Variants in BLVRB observed in about 807,000 individuals in gnomAD.
BLVRB encodes the protein flavin reductase (NADPH).
A neutral mutation model predicts 21.1 loss-of-function variants in BLVRB; 25 were observed. The observed-to-expected ratio is 1.19, with a 90% CI of 0.86 to 1.66. The LOEUF (loss-of-function observed/expected upper bound fraction) is 1.66. Ranked by LOEUF, BLVRB falls within the 40% of genes most tolerant of loss-of-function variation. BLVRB has a pLI of 0.00. For synonymous variants in BLVRB, 128 were observed against 122.2 expected (o/e 1.05, Z -0.31); for missense variants, 274 against 282.7 (o/e 0.97, Z 0.22).
At chr19:40,459,002 A>G (rs975550747) in intron 1 of BLVRB, among the ~76,000 whole-genome samples, 4 of 151,844 alleles carry the variant, frequency 2.6e-5, no homozygotes, top group South Asian at 2.1e-4. Context: ...GCATACCTAC[A>G]GTTGATGCTT....
At chr19:40,462,857 A>C (rs374996743) in intron 1 of BLVRB, among the ~76,000 whole-genome samples, 2 of 131,482 alleles carry the variant, frequency 1.5e-5, no homozygotes, top group Non-Finnish European at 3.1e-5. Flanking sequence ...GTGCCACTGC[A>C]CTCCAGCCTG....
intron 4 of BLVRB, among the ~76,000 whole-genome samples, chr19:40,448,999 G>A (rs1056921594): frequency 3.1e-4 from 47 of 152,026 alleles, no homozygotes; most frequent in African/African-American, 1.1e-3. Context: ...AATCACTTGA[G>A]CCCAGAAGGC....
At chr19:40,452,892 AAAC>A (rs1418398333) in intron 3 of BLVRB, among the ~76,000 whole-genome samples, 8 of 100,154 alleles carry the variant, frequency 8.0e-5, no homozygotes, top group African/African-American at 1.3e-4. Context: ...AAACAAAACA[AAAC>A]AAAAAAAACA....
chr19:40,458,126 A>G, intron 3 of BLVRB, 29 bp downstream of exon 3: 1 of 1,607,140 alleles, frequency 6.2e-7, no homozygotes, highest in Non-Finnish European at 8.5e-7. Context: ...CCCCCAGTTC[A>G]GCCCCACCTC....
At position 40,458,409 on chromosome 19, in the gene BLVRB, G is replaced by C. The variant is rs766082597; in HGVS notation, c.216C>G (p.Ile72Met). 18 of 1,591,082 alleles carry C rather than the reference G, an allele frequency of 1.1e-5. No individual in the cohort carries two copies. The highest frequency in any genetic ancestry group is 1.5e-5 in the Non-Finnish European group (18 of 1,169,550). Residue 72 changes from isoleucine (I) to methionine (M), a missense_variant, in exon 2 of 5, where the codon ATC becomes ATG. Transcript: ENST00000263368. ...GGTCATTGCGGGTGCCCAGCAGCAC[G>C]ATGACAGCGTCCTGCCCAGCCACGG... Reference protein sequence around the residue: ...DKTVAGQDAVIVLLGTRNDLS... With the variant: ...DKTVAGQDAVMVLLGTRNDLS...
At chr19:40,448,185 A>G (rs1042207831) in intron 4 of BLVRB, 139 bp from the exon 5 acceptor site, 27 of 815,330 alleles carry the variant, frequency 3.3e-5, no homozygotes, top group African/African-American at 1.7e-4. Flanking sequence ...TGGACTTTCC[A>G]TATGCAGGTG....
At chr19:40,458,098 G>A (rs765428187) in intron 3 of BLVRB, 57 bp downstream of exon 3, 1 of 1,533,462 alleles carries the variant, frequency 6.5e-7, no homozygotes, top group Non-Finnish European at 9.0e-7. Flanking sequence ...AGAGGCCCCT[G>A]GGCTGCCTCC....
intron 3 of BLVRB, among the ~76,000 whole-genome samples, chr19:40,456,760 G>A (rs574030949): frequency 7.9e-5 from 12 of 151,868 alleles, no homozygotes; most frequent in Non-Finnish European, 1.8e-4. Context: ...GGTGGCAGGC[G>A]CCGGTAATCC....
At chr19:40,457,657 T>TGTAAATAA (rs374959685) in intron 3 of BLVRB, 1 of 124,792 alleles carries the variant, frequency 8.0e-6, no homozygotes, top group African/African-American at 2.7e-5. Flanking sequence ...TCAAAATAAC[T>TGTAAATAA]ATAAATAAAT....
chr19:40,458,417 C>T lies in BLVRB; in HGVS notation c.208G>A (p.Ala70Thr), dbSNP rs1675404. ...CGGGTGCCCAGCAGCACGATGACAG[C>T]GTCCTGCCCAGCCACGGTCTTGTCC... ...DVDKTVAGQD[A>T]VIVLLGTRND... The change falls in exon 2 of 5, where the codon GCT (alanine) becomes ACT (threonine). Residue 70 changes from alanine (A) to threonine (T), a missense_variant. Transcript: ENST00000263368. The T allele has an allele frequency of 1.1e-5, 17 of 1,591,538 alleles. No homozygotes were observed. Among genetic ancestry groups the T allele is most frequent in the African/African-American group, 4.0e-5 (3 of 74,498 alleles).
chr19:40,458,026 A>T, intron 3 of BLVRB, 129 bp downstream of exon 3: 1 of 908,842 alleles, frequency 1.1e-6, no homozygotes, highest in Non-Finnish European at 1.7e-6. Context: ...AGTAAGGTTC[A>T]GGCACACAGC....
chr19:40,464,771 G>A (rs936932324), intron 1 of BLVRB, among the ~76,000 whole-genome samples: 1 of 152,130 alleles, frequency 6.6e-6, no homozygotes, highest in Non-Finnish European at 1.5e-5. Context: ...AGCAGAGTGG[G>A]GTCCTGTTGG....
In BLVRB at chr19:40,465,653, A is replaced by G; in HGVS notation, c.36T>C (p.Thr12=). Residue 12 remains threonine (T), a synonymous_variant, in exon 1 of 5, where the codon ACT becomes ACC. Coordinates refer to ENST00000263368, the MANE Select transcript of BLVRB (RefSeq NM_000713.3). ...CCAGGGTGGTGAGCCCGGTCTGGCC[A>G]GTGGCGCCGAAGATCGCGATCTTCT... ...AVKKIAIFGA[T]GQTGLTTLAQ... 1 of 1,612,822 alleles carries G rather than the reference A, an allele frequency of 6.2e-7. No homozygotes were observed. The highest frequency in any genetic ancestry group is 8.5e-7 in the Non-Finnish European group (1 of 1,179,816).
At chr19:40,448,500 A>G (rs754666964) in intron 4 of BLVRB, among the ~76,000 whole-genome samples, 30 of 151,672 alleles carry the variant, frequency 2.0e-4, no homozygotes, top group Non-Finnish European at 3.5e-4. Context: ...CTGAGGCTGG[A>G]GAATTGCTTG....
At chr19:40,454,543 G>GTTTCTTT (rs59051725) in intron 3 of BLVRB, among the ~76,000 whole-genome samples, 63,067 of 148,900 alleles carry the variant, frequency 0.42, 15,574 homozygotes, top group African/African-American at 0.69. Flanking sequence ...CTTACCCCTA[G>GTTTCTTT]TTTCTTTTTT....
rs1315050912 is a variant in BLVRB, at chr19:40,458,523, C to A, written c.102G>T (p.Val34=). 10 of 1,610,570 alleles carry A rather than the reference C, an allele frequency of 6.2e-6. No homozygotes were observed. The highest frequency in any genetic ancestry group is 1.6e-4 in the Middle Eastern group (1 of 6,072). The stretch of plus-strand genomic sequence containing the variant: ...CTGATGGCAGCCTGGAGGAGTCCCG[C>A]ACCAGCACTGTCACTTCGTAACCTG... ...VQAGYEVTVL[V]RDSSRLPSEG... Residue 34 remains valine, a synonymous_variant, in exon 2 of 5, where the codon GTG becomes GTT. Transcript: ENST00000263368.
At chr19:40,448,617 A>AAC (rs1379974123) in intron 4 of BLVRB, among the ~76,000 whole-genome samples, 7 of 52,942 alleles carry the variant, frequency 1.3e-4, no homozygotes, top group African/African-American at 2.7e-4. Flanking sequence ...AAATATATAT[A>AAC]TATATATATA....
chr19:40,453,356 G>C (rs529391030), intron 3 of BLVRB, among the ~76,000 whole-genome samples: 1 of 151,962 alleles, frequency 6.6e-6, no homozygotes, highest in Non-Finnish European at 1.5e-5. Flanking sequence ...CCTTTTCTTG[G>C]GGCCTTGTTT....
At chr19:40,459,345 AAAAAAAAAAAAAAAAAAAG>A (rs1254412932) in intron 1 of BLVRB, among the ~76,000 whole-genome samples, 1 of 143,636 alleles carries the variant, frequency 7.0e-6, no homozygotes, top group Non-Finnish European at 1.5e-5. Context: ...AAAAAAAAAA[AAAAAAAAAAAAAAAAAAAG>A]ACCATACCTT....
Sources: gnomAD v4.1 joint callset for allele counts (sites outside exome capture counted in the v4.1 genomes callset) on GRCh38, gnomAD v4.1.1 for gene constraint, MANE v1.5 for transcripts, NCBI Gene and HGNC (gene_info 2026-07-23, HGNC 2026-07-21) for gene names.